The following ERBB4 variants were observed in gnomAD, a reference collection of about 807,000 sequenced individuals.
ERBB4 encodes the protein erb-b2 receptor tyrosine kinase 4, also known as receptor tyrosine-protein kinase erbB-4.
Under a neutral mutation model 158.0 loss-of-function variants are expected in ERBB4, and 42 were observed. The ratio of observed to expected loss-of-function variants is 0.27; its 90% CI spans 0.21 to 0.34. ERBB4 has a LOEUF of 0.34. Ranked by LOEUF, ERBB4 falls within the 10% of genes least tolerant of loss-of-function variation. ERBB4 has a pLI of 1.00. For missense variants in ERBB4, 1,333 were observed against 1,624.1 expected (o/e 0.82, Z 3.08); for synonymous variants, 583 against 558.7 (o/e 1.04, Z -0.61).
intron 4 of ERBB4, among the ~76,000 whole-genome samples, chr2:211,776,511 G>A (rs2075880553): frequency 6.6e-6 from 1 of 152,064 alleles, no homozygotes; most frequent in Admixed American, 6.6e-5. Flanking sequence ...ACTTGCATGT[G>A]TAATCTTACT....
chr2:211,720,014 G>A (rs921934139), intron 7 of ERBB4, among the ~76,000 whole-genome samples: 2 of 152,154 alleles, frequency 1.3e-5, no homozygotes, highest in Non-Finnish European at 2.9e-5. Context: ...TTCAGCTGCA[G>A]GATGAGTAGA....
At chr2:212,083,684 C>T (rs1486374331) in intron 2 of ERBB4, among the ~76,000 whole-genome samples, 1 of 151,618 alleles carries the variant, frequency 6.6e-6, no homozygotes, top group East Asian at 1.9e-4. Flanking sequence ...AATAGGTTGA[C>T]AACATAGGAT....
At chr2:212,326,292 T>C (rs1053956868) in intron 1 of ERBB4, among the ~76,000 whole-genome samples, 2 of 150,880 alleles carry the variant, frequency 1.3e-5, no homozygotes, top group Non-Finnish European at 3.0e-5. Context: ...GTATCACTGT[T>C]ATCTTTCTCT....
chr2:211,596,588 A>T (rs2068635910), intron 19 of ERBB4, among the ~76,000 whole-genome samples: 1 of 152,050 alleles, frequency 6.6e-6, no homozygotes, highest in African/African-American at 2.4e-5. Flanking sequence ...TCTCTTTTCC[A>T]GCACCCTGAG....
intron 3 of ERBB4, among the ~76,000 whole-genome samples, chr2:211,870,840 G>T (rs1018709702): frequency 6.6e-6 from 1 of 152,000 alleles, no homozygotes; most frequent in Non-Finnish European, 1.5e-5. Context: ...AAAGACTTTT[G>T]GGTTTTGATC....
chr2:212,536,031 T>C (rs893188595), intron 1 of ERBB4, among the ~76,000 whole-genome samples: 1 of 152,218 alleles, frequency 6.6e-6, no homozygotes, highest in Non-Finnish European at 1.5e-5. Context: ...TTGTTTCATC[T>C]AAAAGCAATT....
intron 20 of ERBB4, among the ~76,000 whole-genome samples, chr2:211,477,867 A>C (rs1194720572): frequency 6.6e-6 from 1 of 152,188 alleles, no homozygotes; most frequent in Non-Finnish European, 1.5e-5. Context: ...TAAGAATATG[A>C]TACAATGACA....
chr2:212,357,675 T>G (rs1433178201), intron 1 of ERBB4, among the ~76,000 whole-genome samples: 1 of 151,634 alleles, frequency 6.6e-6, no homozygotes, highest in Admixed American at 6.6e-5. Context: ...TCCTTCGATC[T>G]GTTTTAACAC....
At chr2:212,085,346 G>A (rs978018418) in intron 2 of ERBB4, among the ~76,000 whole-genome samples, 1 of 151,770 alleles carries the variant, frequency 6.6e-6, no homozygotes, top group South Asian at 2.1e-4. Flanking sequence ...GTATTATTTT[G>A]TTTCATGAAT....
In ERBB4 at chr2:211,413,360, A is replaced by AT. The variant is rs1559142340; in HGVS notation, c.3135+7080_3135+7081insA. On this transcript the variant is annotated intron_variant, in intron 25 of 27. Transcript: ENST00000342788. The stretch of plus-strand genomic sequence containing the variant: ...CACACACACACACATTGATAAAAAA[A>AT]AAAATAAAAAAACCAAAAACAAACA... Among the ~76,000 whole-genome samples the AT allele has an allele frequency of 4.0e-5, 6 of 150,750 alleles. No individual in the cohort carries two copies. In the South Asian group the frequency reaches 8.3e-4, roughly 21 times the overall value.
chr2:211,896,518 A>G (rs563129181), intron 3 of ERBB4, among the ~76,000 whole-genome samples: 5 of 152,146 alleles, frequency 3.3e-5, no homozygotes, highest in African/African-American at 9.6e-5. Context: ...TTTTATTACT[A>G]TAGTAGGTTT....
chr2:211,548,710 C>T (rs968037716), intron 20 of ERBB4, among the ~76,000 whole-genome samples: 1 of 152,034 alleles, frequency 6.6e-6, no homozygotes. Flanking sequence ...TCCGTTTCCC[C>T]ATCTCCAACA....
intron 1 of ERBB4, among the ~76,000 whole-genome samples, chr2:212,133,117 G>A (rs2080158116): frequency 6.6e-6 from 1 of 151,544 alleles, no homozygotes; most frequent in Non-Finnish European, 1.5e-5. Flanking sequence ...TGTTTCTCTG[G>A]GGAACCCTGA....
At chr2:211,831,574 C>T (rs1483855030) in intron 3 of ERBB4, among the ~76,000 whole-genome samples, 3 of 152,060 alleles carry the variant, frequency 2.0e-5, no homozygotes, top group African/African-American at 7.2e-5. Context: ...TGTTTCCTAA[C>T]AAACTATTAA....
intron 1 of ERBB4, among the ~76,000 whole-genome samples, chr2:212,415,026 A>G (rs1331113072): frequency 6.6e-6 from 1 of 152,190 alleles, no homozygotes; most frequent in East Asian, 1.9e-4. Flanking sequence ...GTTTGTAACA[A>G]ATGAGTCCTT....
chr2:211,825,619 G>C (rs752245605), intron 3 of ERBB4, among the ~76,000 whole-genome samples: 1 of 151,456 alleles, frequency 6.6e-6, no homozygotes, highest in Non-Finnish European at 1.5e-5. Context: ...TGCTTTGAAG[G>C]ACAGAGAGAT....
intron 1 of ERBB4, among the ~76,000 whole-genome samples, chr2:212,375,823 CAAACATAAAA>C (rs2090299642): frequency 6.6e-6 from 1 of 151,974 alleles, no homozygotes; most frequent in Non-Finnish European, 1.5e-5. Flanking sequence ...GAAGCAAGAA[CAAACATAAAA>C]TTTAGGGTGA....
At chr2:212,146,907 C>T (rs1559593744) in intron 1 of ERBB4, among the ~76,000 whole-genome samples, 1 of 150,490 alleles carries the variant, frequency 6.6e-6, no homozygotes, top group Admixed American at 6.6e-5. Context: ...TAGGGTAAAA[C>T]TGATATGGGG....
chr2:211,431,661 C>A (rs1046782391), intron 20 of ERBB4, among the ~76,000 whole-genome samples: 23 of 152,026 alleles, frequency 1.5e-4, no homozygotes, highest in Non-Finnish European at 2.4e-4. Context: ...GAAGTATATA[C>A]CCTAGCAGTC....
Sources: allele counts gnomAD v4.1 joint callset (sites outside exome capture counted in the v4.1 genomes callset), GRCh38; gene constraint gnomAD v4.1.1; transcripts MANE v1.5; gene names NCBI Gene and HGNC (gene_info 2026-07-23, HGNC 2026-07-21).